The following HEMK2 variants were observed in gnomAD, a reference collection of about 807,000 sequenced individuals.
The protein encoded by HEMK2 is HemK methyltransferase 2, ETF1 glutamine and histone H4 lysine.
At chr21:28,589,013 T>C in the HEMK2 span, among the ~76,000 whole-genome samples, 1 of 148,824 alleles carries the variant, frequency 6.7e-6, no homozygotes, top group South Asian at 2.1e-4. Context: ...TATTGAGCCA[T>C]ACAAAATCAT....
the HEMK2 span, among the ~76,000 whole-genome samples, chr21:28,822,192 G>A: frequency 6.6e-6 from 1 of 152,156 alleles, no homozygotes; most frequent in Non-Finnish European, 1.5e-5. Context: ...GAGCCAATCA[G>A]TTTAGAAGCA....
the HEMK2 span, among the ~76,000 whole-genome samples, chr21:28,633,235 A>C: frequency 6.6e-6 from 1 of 152,222 alleles, no homozygotes; most frequent in Non-Finnish European, 1.5e-5. Context: ...TGCAGTCCTC[A>C]GTTGTCAAAA....
chr21:28,833,631 T>C, the HEMK2 span, among the ~76,000 whole-genome samples: 2 of 152,224 alleles, frequency 1.3e-5, no homozygotes, highest in African/African-American at 4.8e-5. Flanking sequence ...TGTGAGGTTT[T>C]TAACTTAAAA....
the HEMK2 span, among the ~76,000 whole-genome samples, chr21:28,823,880 T>C: frequency 6.6e-6 from 1 of 152,166 alleles, no homozygotes; most frequent in South Asian, 2.1e-4. Context: ...TGAAGGTTTC[T>C]AGAAGGTTTC....
chr21:28,579,080 C>T, the HEMK2 span, among the ~76,000 whole-genome samples: 1 of 152,090 alleles, frequency 6.6e-6, no homozygotes, highest in African/African-American at 2.4e-5. Flanking sequence ...AACAATTAGG[C>T]TATTTGTGAA....
At chr21:28,595,773 C>CTTTATTTATTTATTTATTTATTTATTTA in the HEMK2 span, among the ~76,000 whole-genome samples, 8 of 149,330 alleles carry the variant, frequency 5.4e-5, no homozygotes, top group East Asian at 3.9e-4. Context: ...TTTTATTTTA[C>CTTTATTTATTTATTTATTTATTTATTTA]TTTATTTATT....
chr21:28,706,888 G>A, the HEMK2 span, among the ~76,000 whole-genome samples: 2 of 151,728 alleles, frequency 1.3e-5, no homozygotes, highest in African/African-American at 2.4e-5. Context: ...CTCCCAGTCA[G>A]TAGGAAACTG....
chr21:28,692,789 G>A, the HEMK2 span, among the ~76,000 whole-genome samples: 1 of 152,000 alleles, frequency 6.6e-6, no homozygotes, highest in East Asian at 1.9e-4. Flanking sequence ...ACAAAGTGTG[G>A]TATATTCAAA....
chr21:28,833,064 G>A, the HEMK2 span, among the ~76,000 whole-genome samples: 1 of 152,170 alleles, frequency 6.6e-6, no homozygotes, highest in Non-Finnish European at 1.5e-5. Flanking sequence ...TGACTTGCCT[G>A]AAGTCATAAA....
At chr21:28,583,165 T>C in the HEMK2 span, among the ~76,000 whole-genome samples, 1 of 152,340 alleles carries the variant, frequency 6.6e-6, no homozygotes, top group South Asian at 2.1e-4. Context: ...AGCTAAAGAA[T>C]TATGTAAGAT....
the HEMK2 span, among the ~76,000 whole-genome samples, chr21:28,761,178 C>A: frequency 6.6e-6 from 1 of 151,872 alleles, no homozygotes. Context: ...CTATGTCCTT[C>A]AAGAATCAGT....
At chr21:28,858,467 C>T in the HEMK2 span, among the ~76,000 whole-genome samples, 71 of 152,210 alleles carry the variant, frequency 4.7e-4, no homozygotes, top group Middle Eastern at 3.4e-3. Flanking sequence ...TTATCCTTCC[C>T]GTTTCAGGAG....
chr21:28,622,543 C>T, the HEMK2 span, among the ~76,000 whole-genome samples: 17 of 152,106 alleles, frequency 1.1e-4, no homozygotes, highest in African/African-American at 3.9e-4. Context: ...GCAAAAAGAA[C>T]GAAGCTGGAG....
the HEMK2 span, among the ~76,000 whole-genome samples, chr21:28,680,257 A>G: frequency 2.0e-5 from 3 of 152,242 alleles, no homozygotes; most frequent in Non-Finnish European, 4.4e-5. Context: ...CTATCATCAG[A>G]GAATACTAGA....
the HEMK2 span, among the ~76,000 whole-genome samples, chr21:28,631,888 A>C: frequency 6.6e-6 from 1 of 152,136 alleles, no homozygotes; most frequent in South Asian, 2.1e-4. Context: ...ACAACAAATA[A>C]ATGGTATCAC....
At chr21:28,704,065 T>C in the HEMK2 span, among the ~76,000 whole-genome samples, 1 of 152,152 alleles carries the variant, frequency 6.6e-6, no homozygotes, top group African/African-American at 2.4e-5. Context: ...GTTTTGGAAG[T>C]TAAGATACTG....
the HEMK2 span, among the ~76,000 whole-genome samples, chr21:28,711,115 T>C: frequency 6.6e-6 from 1 of 152,274 alleles, no homozygotes; most frequent in Non-Finnish European, 1.5e-5. Flanking sequence ...AGCTAGAAAC[T>C]CTAAGTACTT....
the HEMK2 span, among the ~76,000 whole-genome samples, chr21:28,635,329 C>T: frequency 6.6e-6 from 1 of 152,094 alleles, no homozygotes; most frequent in Non-Finnish European, 1.5e-5. Context: ...GTCTCCACCT[C>T]CTGACCTCGT....
the HEMK2 span, among the ~76,000 whole-genome samples, chr21:28,616,334 C>G: frequency 6.6e-6 from 1 of 152,088 alleles, no homozygotes; most frequent in African/African-American, 2.4e-5. Flanking sequence ...TATGACAAGA[C>G]TTGCCATTGA....
Sources: allele counts gnomAD v4.1 joint callset (sites outside exome capture counted in the v4.1 genomes callset), GRCh38; gene constraint gnomAD v4.1.1; transcripts MANE v1.5; gene names NCBI Gene and HGNC (gene_info 2026-07-23, HGNC 2026-07-21).